The following AKT3 variants were observed in gnomAD, a reference collection of about 807,000 sequenced individuals.
AKT3 encodes the protein AKT serine/threonine kinase 3.
AKT3 carries 15 observed loss-of-function variants against 65.3 expected under a neutral mutation model. The observed-to-expected ratio is 0.23, with a 90% confidence interval of 0.15 to 0.35. AKT3 has a LOEUF of 0.35. Among genes scored for constraint, AKT3 ranks in the 10% least tolerant of loss-of-function variants. The probability of loss-of-function intolerance (pLI) is 1.00; values close to 1 mark genes in which losing one functional copy is unlikely to be tolerated. For missense variants in AKT3, 243 were observed against 576.5 expected, an observed-to-expected ratio of 0.42 and a Z score of 5.92; for synonymous variants, 206 against 183.8, an observed-to-expected ratio of 1.12 and a Z score of -0.98.
At chr1:243,821,735 C>A (rs1693865008) in intron 2 of AKT3, among the ~76,000 whole-genome samples, 2 of 152,168 alleles carry the variant, frequency 1.3e-5, no homozygotes, top group Non-Finnish European at 2.9e-5. Flanking sequence ...AGCTAACCAT[C>A]CTAAATATAT....
intron 2 of AKT3, among the ~76,000 whole-genome samples, chr1:243,702,474 T>A (rs999597822): frequency 6.6e-6 from 1 of 152,128 alleles, no homozygotes; most frequent in African/African-American, 2.4e-5. Flanking sequence ...CACCAAAGGG[T>A]TTTTGTAAGG....
At chr1:243,767,844 A>G (rs1297254009) in intron 2 of AKT3, among the ~76,000 whole-genome samples, 1 of 152,106 alleles carries the variant, frequency 6.6e-6, no homozygotes, top group Non-Finnish European at 1.5e-5. Context: ...CTTATTGCCT[A>G]CCAGGAAACA....
chr1:243,750,244 T>C (rs1476235147), intron 2 of AKT3, among the ~76,000 whole-genome samples: 1 of 152,188 alleles, frequency 6.6e-6, no homozygotes, highest in Non-Finnish European at 1.5e-5. Context: ...TTTCAAATCA[T>C]AATTCACTGT....
intron 12 of AKT3, among the ~76,000 whole-genome samples, chr1:243,543,695 C>T (rs1189290699): frequency 6.6e-6 from 1 of 152,110 alleles, no homozygotes; most frequent in African/African-American, 2.4e-5. Context: ...CTCAGTGATA[C>T]TAAGTGGATA....
intron 4 of AKT3, among the ~76,000 whole-genome samples, chr1:243,661,843 T>A (rs1682367671): frequency 6.7e-6 from 1 of 148,598 alleles, no homozygotes; most frequent in Non-Finnish European, 1.5e-5. Context: ...TACAATGAAC[T>A]CAAACAAATT....
At chr1:243,835,047 A>G (rs531447388) in intron 2 of AKT3, among the ~76,000 whole-genome samples, 2 of 152,302 alleles carry the variant, frequency 1.3e-5, no homozygotes, top group East Asian at 3.9e-4. Flanking sequence ...CTAACCCTAC[A>G]TAGACTGTAA....
chr1:243,532,054 C>G (rs1050861563), intron 12 of AKT3, among the ~76,000 whole-genome samples: 1 of 152,146 alleles, frequency 6.6e-6, no homozygotes, highest in African/African-American at 2.4e-5. Flanking sequence ...ATCATGTCAC[C>G]TATTAGTAGG....
At chr1:243,812,269 C>T (rs1413337276) in intron 2 of AKT3, among the ~76,000 whole-genome samples, 3 of 152,174 alleles carry the variant, frequency 2.0e-5, no homozygotes, top group African/African-American at 7.2e-5. Context: ...TTGCAATCTA[C>T]TCATCTGACA....
chr1:243,694,212 C>T (rs912945661), intron 3 of AKT3, among the ~76,000 whole-genome samples: 3 of 152,124 alleles, frequency 2.0e-5, no homozygotes, highest in African/African-American at 7.2e-5. Context: ...TAAAAAGCTA[C>T]ACTGGCTTTA....
chr1:243,831,680 T>C (rs1172456353), intron 2 of AKT3, among the ~76,000 whole-genome samples: 2 of 152,100 alleles, frequency 1.3e-5, no homozygotes, highest in African/African-American at 2.4e-5. Context: ...CTCTGCATTC[T>C]CCACTGGGAA....
In AKT3 at chr1:243,500,804, T is replaced by C. The variant is rs1418215747; in HGVS notation, c.*4445A>G. ...GGCATGATCTACACACAGAGACCAT[T>C]TGAATCTCTTGAGCATGTAAAAGGT... On this transcript the variant is annotated 3_prime_UTR_variant, in exon 14 of 14. Coordinates refer to ENST00000673466, the MANE Select transcript of AKT3 (RefSeq NM_005465.7). 5 of 228,864 alleles carry C rather than the reference T, an allele frequency of 2.2e-5. No homozygotes were observed. The highest frequency in any genetic ancestry group is 6.3e-5 in the East Asian group (1 of 15,990). 14.2% of individuals were successfully genotyped at this position (228,864 alleles called of 1,614,324 possible).
intron 12 of AKT3, among the ~76,000 whole-genome samples, chr1:243,522,647 AAAAAG>A (rs1321517644): frequency 6.6e-6 from 1 of 152,154 alleles, no homozygotes; most frequent in South Asian, 2.1e-4. Context: ...CAAAAATTTA[AAAAAG>A]AAAAGAAAAG....
chr1:243,525,127 C>T (rs1351008858), intron 12 of AKT3, among the ~76,000 whole-genome samples: 1 of 152,142 alleles, frequency 6.6e-6, no homozygotes, highest in Non-Finnish European at 1.5e-5. Flanking sequence ...CTGCCCAGAT[C>T]TCTGACTCTT....
At chr1:243,576,095 GAATGT>G (rs1674921898) in intron 8 of AKT3, among the ~76,000 whole-genome samples, 1 of 151,924 alleles carries the variant, frequency 6.6e-6, no homozygotes, top group Admixed American at 6.6e-5. Context: ...GCAAATCAAT[GAATGT>G]AATTCATAAT....
chr1:243,702,283 T>C (rs1400909394), intron 2 of AKT3, among the ~76,000 whole-genome samples: 1 of 152,186 alleles, frequency 6.6e-6, no homozygotes, highest in Non-Finnish European at 1.5e-5. Context: ...CTTCAGTTTC[T>C]TTCCCACTCA....
intron 2 of AKT3, among the ~76,000 whole-genome samples, chr1:243,816,678 T>C (rs979975549): frequency 9.2e-5 from 14 of 151,560 alleles, no homozygotes; most frequent in African/African-American, 3.4e-4. Flanking sequence ...TAGAAAGAAA[T>C]AGTTTCTATC....
chr1:243,781,250 G>A (rs572203401), intron 2 of AKT3, among the ~76,000 whole-genome samples: 1 of 151,736 alleles, frequency 6.6e-6, no homozygotes, highest in African/African-American at 2.4e-5. Context: ...TTTTTTAATG[G>A]TTGGTTAGAA....
intron 2 of AKT3, among the ~76,000 whole-genome samples, chr1:243,742,150 G>C (rs1214380659): frequency 6.6e-6 from 1 of 151,654 alleles, no homozygotes; most frequent in Non-Finnish European, 1.5e-5. Context: ...AGCATCCTTG[G>C]AATTTGGTAT....
rs534374797 is a variant in AKT3, at chr1:243,756,297, C to A, written c.47-60581G>T. Among the ~76,000 whole-genome samples the A allele has an allele frequency of 3.3e-5, 5 of 152,266 alleles. No individual in the cohort carries two copies. In the South Asian group the frequency reaches 1.0e-3, roughly 32 times the overall value. On this transcript the variant is annotated intron_variant, in intron 2 of 13. Coordinates refer to ENST00000673466, the MANE Select transcript of AKT3 (RefSeq NM_005465.7). ...TACCCAGATTTAGGGTTCTAAATATCATTCTCCACACAAAAAAGAATCAAG... is the reference window on the plus strand; with the variant it reads ...TACCCAGATTTAGGGTTCTAAATATAATTCTCCACACAAAAAAGAATCAAG...
Sources: gnomAD v4.1 joint callset for allele counts (sites outside exome capture counted in the v4.1 genomes callset) on GRCh38, gnomAD v4.1.1 for gene constraint, MANE v1.5 for transcripts, NCBI Gene and HGNC (gene_info 2026-07-23, HGNC 2026-07-21) for gene names.